TBC1D22B: variants seen among roughly 807,000 people sequenced by gnomAD.
TBC1D22B encodes TBC1 domain family member 22B.
TBC1D22B carries 32 observed loss-of-function variants against 69.1 expected under a neutral mutation model. The observed-to-expected ratio is 0.46, with a 90% CI of 0.35 to 0.62. The LOEUF is 0.62. Among genes scored for constraint, TBC1D22B ranks in the 20% least tolerant of loss-of-function variants. The pLI, the probability that TBC1D22B is intolerant of heterozygous loss-of-function variation, is 0.00. For synonymous variants in TBC1D22B, 206 were observed against 229.8 expected, an observed-to-expected ratio of 0.90 and a Z score of 0.94; for missense variants, 462 against 630.9, an observed-to-expected ratio of 0.73 and a Z score of 2.87.
chr6:37,327,105 AG>A (rs1768429274), intron 12 of TBC1D22B, among the ~76,000 whole-genome samples: 1 of 152,160 alleles, frequency 6.6e-6, no homozygotes. Context: ...GATGGGTAAA[AG>A]GGGCCAGAGG....
intron 5 of TBC1D22B, among the ~76,000 whole-genome samples, chr6:37,283,935 G>C (rs999981940): frequency 1.4e-4 from 22 of 152,218 alleles, no homozygotes; most frequent in African/African-American, 4.8e-4. Context: ...ATGTGCTGTA[G>C]AGGTTGCTAT....
chr6:37,287,413 A>G (rs367829441), intron 7 of TBC1D22B, among the ~76,000 whole-genome samples: 1 of 152,214 alleles, frequency 6.6e-6, no homozygotes. Flanking sequence ...TATAAAATTT[A>G]CTGTGTTAAC....
At chr6:37,269,741 T>A in intron 2 of TBC1D22B, 91 bp downstream of exon 2, 1 of 1,222,004 alleles carries the variant, frequency 8.2e-7, no homozygotes, top group Non-Finnish European at 1.2e-6. Flanking sequence ...CACCTTGACA[T>A]TTTTTAGCGT....
rs144119460 is a variant in TBC1D22B at position 37,260,231 on chromosome 6, G to A, written c.56+2258G>A. Among the ~76,000 whole-genome samples the A allele has an allele frequency of 2.4e-3, 371 of 152,274 alleles. 2 individuals carry two copies. The highest frequency in any genetic ancestry group is 7.7e-3 in the African/African-American group (319 of 41,538). On this transcript the variant is annotated intron_variant, in intron 1 of 12. Transcript: ENST00000373491. ...TTGCATCTGTACTCTTTCGGTCTTAGAGAAGAAAAACTTTCTCCTGGGTGG... is the reference window on the plus strand; with the variant it reads ...TTGCATCTGTACTCTTTCGGTCTTAAAGAAGAAAAACTTTCTCCTGGGTGG...
intron 1 of TBC1D22B, among the ~76,000 whole-genome samples, chr6:37,259,989 C>G (rs1766023497): frequency 6.6e-6 from 1 of 152,174 alleles, no homozygotes; most frequent in African/African-American, 2.4e-5. Flanking sequence ...ATCCTTACCC[C>G]AGCTCATTGT....
intron 6 of TBC1D22B, among the ~76,000 whole-genome samples, chr6:37,286,188 A>C (rs1766999830): frequency 6.6e-6 from 1 of 152,208 alleles, no homozygotes; most frequent in African/African-American, 2.4e-5. Context: ...AGGTTTCCTC[A>C]CTGTTTAATA....
chr6:37,332,278 C>CTG lies in TBC1D22B; in HGVS notation c.*1106_*1107insTG, dbSNP rs1207452504. ...CCCTTTCTTCACCCCGCCCCCCAAC[C>CTG]CCCAGACTTTCCTGGAGCATCTGCC... On this transcript the variant is annotated 3_prime_UTR_variant, in exon 13 of 13. Transcript: ENST00000373491. 6.6e-6 allele frequency: 1 copy of CTG among 152,654 alleles called. No homozygotes were observed. Among genetic ancestry groups the CTG allele is most frequent in the Admixed American group, 6.5e-5 (1 of 15,268 alleles). The allele number at this position is 152,654 out of a possible 1,614,324, so 9.5% of individuals were successfully genotyped here.
intron 8 of TBC1D22B, among the ~76,000 whole-genome samples, chr6:37,294,637 A>C (rs1429334411): frequency 6.6e-6 from 1 of 152,222 alleles, no homozygotes; most frequent in Non-Finnish European, 1.5e-5. Context: ...ATTATGCAAA[A>C]TATACTTTGC....
Position 37,297,712 on chromosome 6 carries a change from A to T in TBC1D22B, c.982+6355A>T, listed in dbSNP as rs564817921. Among the ~76,000 whole-genome samples, 107 of 152,356 alleles carry T rather than the reference A, an allele frequency of 7.0e-4. No homozygotes were observed. The Middle Eastern group carries it at 0.01, about 15-fold the overall frequency. ...GTAGAAGTATGTTTATTAAAAAATC[A>T]AAACAACATTCTACTGTAAAGATAT... On this transcript the variant is annotated intron_variant, in intron 8 of 12. Transcript: ENST00000373491.
intron 1 of TBC1D22B, among the ~76,000 whole-genome samples, chr6:37,268,157 G>GT (rs1299071100): frequency 4.6e-5 from 7 of 151,688 alleles, no homozygotes; most frequent in Admixed American, 1.3e-4. Flanking sequence ...TTGAAAAGTA[G>GT]TTTTTTTTCA....
intron 3 of TBC1D22B, among the ~76,000 whole-genome samples, chr6:37,280,860 G>T (rs142417229): frequency 4.5e-4 from 68 of 152,088 alleles, no homozygotes; most frequent in Middle Eastern, 3.4e-3. Context: ...CCTTCTAGTA[G>T]TGCTGGTTGG....
At chr6:37,291,541 G>A (rs1421182387) in intron 8 of TBC1D22B, among the ~76,000 whole-genome samples, 184 bp downstream of exon 8, 1 of 152,184 alleles carries the variant, frequency 6.6e-6, no homozygotes, top group Non-Finnish European at 1.5e-5. Context: ...CTCTTAAGAT[G>A]GTCACAGATC....
At chr6:37,297,502 G>A (rs543672845) in intron 8 of TBC1D22B, among the ~76,000 whole-genome samples, 1 of 152,070 alleles carries the variant, frequency 6.6e-6, no homozygotes, top group Non-Finnish European at 1.5e-5. Context: ...AAGATTCAGG[G>A]GTCTAATGAG....
At position 37,295,271 on chromosome 6, in the gene TBC1D22B, A is replaced by G. The variant is rs960056803; in HGVS notation, c.982+3914A>G. Among the ~76,000 whole-genome samples, 16 of 151,422 alleles carry G rather than the reference A, an allele frequency of 1.1e-4. No individual in the cohort carries two copies. In the East Asian group the frequency reaches 3.1e-3, roughly 29 times the overall value. On this transcript the variant is annotated intron_variant, in intron 8 of 12. Coordinates refer to ENST00000373491, the MANE Select transcript of TBC1D22B (RefSeq NM_017772.4). ...AGGTGTGCGCCACCATACCCAGCCA[A>G]TTTTTTTATTTTTTATAGAGATGGG...
chr6:37,283,358 G>A (rs147897673), intron 5 of TBC1D22B, among the ~76,000 whole-genome samples: 1 of 152,194 alleles, frequency 6.6e-6, no homozygotes, highest in Non-Finnish European at 1.5e-5. Context: ...AGCTTTACTA[G>A]TCCTGCTTTC....
At chr6:37,311,633 A>T (rs562598547) in intron 8 of TBC1D22B, among the ~76,000 whole-genome samples, 27 of 152,236 alleles carry the variant, frequency 1.8e-4, no homozygotes, top group African/African-American at 6.3e-4. Flanking sequence ...AGATCGTGCC[A>T]CTGCACTCCA....
Position 37,258,012 on chromosome 6 carries a change from A to G in TBC1D22B, c.56+39A>G, listed in dbSNP as rs199521643. On this transcript the variant is annotated intron_variant, in intron 1 of 12. Coordinates refer to ENST00000373491, the MANE Select transcript of TBC1D22B (RefSeq NM_017772.4). The stretch of plus-strand genomic sequence containing the variant: ...GCTGAGAGGGATAGGGGATTGGACC[A>G]AACCCTTCCAGATCCTAATCCCTGA... 18 of 1,606,082 alleles carry G rather than the reference A, an allele frequency of 1.1e-5. No individual in the cohort carries two copies. The East Asian group carries it at 4.0e-4, about 36-fold the overall frequency.
In TBC1D22B at chr6:37,332,226, G is replaced by C. The variant is rs1768599250; in HGVS notation, c.*1054G>C. ...AGCTGAGCAGCTGGAGCCATCCCAA[G>C]CATCAGTGTCTCAGAGTCCTCCTCG... is the stretch of plus-strand genomic sequence containing the variant. On this transcript the variant is annotated 3_prime_UTR_variant, in exon 13 of 13. Transcript: ENST00000373491. The C allele has an allele frequency of 1.3e-5, 2 of 152,460 alleles. No individual in the cohort carries two copies. The highest frequency in any genetic ancestry group is 1.3e-4 in the Admixed American group (2 of 15,276). The allele number at this position is 152,460 out of a possible 1,614,324, so 9.4% of individuals were successfully genotyped here.
intron 4 of TBC1D22B, among the ~76,000 whole-genome samples, chr6:37,282,596 A>C (rs914399770): frequency 6.6e-6 from 1 of 152,082 alleles, no homozygotes; most frequent in African/African-American, 2.4e-5. Flanking sequence ...AACTATTCTG[A>C]CTTTGGTCTT....
Sources: gnomAD v4.1 joint callset for allele counts (sites outside exome capture counted in the v4.1 genomes callset) on GRCh38, gnomAD v4.1.1 for gene constraint, MANE v1.5 for transcripts, NCBI Gene and HGNC (gene_info 2026-07-23, HGNC 2026-07-21) for gene names.